Variants in TRPM3 observed in about 807,000 individuals in gnomAD.
TRPM3 encodes long transient receptor potential channel 3.
Under a neutral mutation model 181.2 loss-of-function variants are expected in TRPM3, and 77 were observed. That is an observed-to-expected ratio of 0.42 (90% CI 0.35 to 0.51). The LOEUF (loss-of-function observed/expected upper bound fraction) is 0.51, where lower values mean the gene tolerates loss of function less well. Ranked by LOEUF, TRPM3 falls within the 20% of genes least tolerant of loss-of-function variation. The pLI is 0.01. For synonymous variants in TRPM3, 745 were observed against 796.4 expected (o/e 0.94, Z 1.09); for missense variants, 1,759 against 2,196.7 (o/e 0.80, Z 3.98).
intron 1 of TRPM3, among the ~76,000 whole-genome samples, chr9:70,918,614 A>C (rs1451570305): frequency 1.3e-5 from 2 of 152,176 alleles, no homozygotes; most frequent in Non-Finnish European, 2.9e-5. Context: ...GATACAGCAA[A>C]AGCAGTACTA....
chr9:71,311,987 A>G (rs192758683), intron 1 of TRPM3, among the ~76,000 whole-genome samples: 13 of 152,220 alleles, frequency 8.5e-5, no homozygotes, highest in Admixed American at 7.9e-4. Context: ...GGATGAGCTT[A>G]TCTAGACGGT....
intron 1 of TRPM3, among the ~76,000 whole-genome samples, chr9:71,011,788 TTG>T (rs563998293): frequency 0.054 from 7,467 of 137,374 alleles, 408 homozygotes; most frequent in Admixed American, 0.11. Context: ...TTTTGTTTTT[TTG>T]TTTTTTTTCA....
intron 1 of TRPM3, among the ~76,000 whole-genome samples, chr9:71,287,096 TATA>T (rs2085363797): frequency 6.9e-6 from 1 of 144,516 alleles, no homozygotes; most frequent in South Asian, 2.1e-4. Flanking sequence ...TATTATATGA[TATA>T]ATATAAAATT....
At chr9:70,817,595 G>T (rs2092813776) in intron 6 of TRPM3, among the ~76,000 whole-genome samples, 1 of 152,156 alleles carries the variant, frequency 6.6e-6, no homozygotes, top group African/African-American at 2.4e-5. Context: ...ATGCTAGGTT[G>T]GCAGTGTTGG....
At chr9:71,282,100 A>C (rs552197271) in intron 1 of TRPM3, among the ~76,000 whole-genome samples, 1 of 134,704 alleles carries the variant, frequency 7.4e-6, no homozygotes, top group Admixed American at 7.5e-5. Context: ...AGAGAAAGAA[A>C]GAAAAGAAAG....
At chr9:70,818,267 A>G (rs1472232093) in intron 6 of TRPM3, among the ~76,000 whole-genome samples, 1 of 152,236 alleles carries the variant, frequency 6.6e-6, no homozygotes, top group Non-Finnish European at 1.5e-5. Context: ...TCATTCACTC[A>G]AGATTTATAT....
intron 1 of TRPM3, among the ~76,000 whole-genome samples, chr9:71,278,141 A>T (rs1486563322): frequency 6.6e-6 from 1 of 152,238 alleles, no homozygotes; most frequent in East Asian, 1.9e-4. Context: ...CTGATCAATT[A>T]GTACAATTTC....
intron 1 of TRPM3, among the ~76,000 whole-genome samples, chr9:71,367,364 A>C (rs2092368127): frequency 1.3e-5 from 2 of 152,156 alleles, no homozygotes; most frequent in African/African-American, 4.8e-5. Flanking sequence ...TAAGACTATT[A>C]ATCTTCAGGA....
intron 1 of TRPM3, among the ~76,000 whole-genome samples, chr9:71,174,093 A>G (rs139440189): frequency 2.0e-5 from 3 of 152,298 alleles, no homozygotes; most frequent in East Asian, 1.9e-4. Flanking sequence ...GTATTTATAT[A>G]TTTCCTTCAA....
intron 22 of TRPM3, among the ~76,000 whole-genome samples, chr9:70,568,696 C>G (rs1417666132): frequency 6.6e-6 from 1 of 152,208 alleles, no homozygotes; most frequent in Non-Finnish European, 1.5e-5. Context: ...GAGGCAAAGC[C>G]TGGATTCAAA....
chr9:70,553,953 T>C (rs2047063666), intron 22 of TRPM3, among the ~76,000 whole-genome samples: 2 of 151,996 alleles, frequency 1.3e-5, no homozygotes, highest in South Asian at 4.2e-4. Context: ...TGATCGGCCG[T>C]GATCATGGAG....
At chr9:71,155,521 A>AT (rs1554836137) in intron 1 of TRPM3, among the ~76,000 whole-genome samples, 11 of 140,716 alleles carry the variant, frequency 7.8e-5, no homozygotes, top group Non-Finnish European at 9.2e-5. Context: ...ATTTTATTTT[A>AT]TTTTTGCATA....
chr9:70,779,448 A>C (rs1257045984), intron 7 of TRPM3, among the ~76,000 whole-genome samples: 1 of 152,164 alleles, frequency 6.6e-6, no homozygotes, highest in African/African-American at 2.4e-5. Context: ...ACACAAACGC[A>C]TTTGGATGCC....
chr9:71,216,334 T>G (rs995563737), intron 1 of TRPM3, among the ~76,000 whole-genome samples: 5 of 152,228 alleles, frequency 3.3e-5, no homozygotes, highest in Non-Finnish European at 7.3e-5. Context: ...ATCTTTACAC[T>G]TATTTCTCTC....
intron 6 of TRPM3, among the ~76,000 whole-genome samples, chr9:70,823,981 A>G (rs1194926384): frequency 6.6e-6 from 1 of 152,206 alleles, no homozygotes; most frequent in African/African-American, 2.4e-5. Flanking sequence ...AGGAGGGACA[A>G]TGAAAGTCAG....
At chr9:71,127,548 A>C (rs769706162) in intron 1 of TRPM3, among the ~76,000 whole-genome samples, 2 of 152,166 alleles carry the variant, frequency 1.3e-5, no homozygotes, top group African/African-American at 2.4e-5. Context: ...GCAGTGATAC[A>C]ACTTCTCAGA....
chr9:71,296,712 TG>T (rs1451356395), intron 1 of TRPM3, among the ~76,000 whole-genome samples: 18 of 152,030 alleles, frequency 1.2e-4, no homozygotes, highest in Middle Eastern at 3.2e-3. Context: ...AAAAGGACTA[TG>T]GGAAACGACG....
At chr9:71,132,656 A>C (rs1422158178) in intron 1 of TRPM3, among the ~76,000 whole-genome samples, 1 of 152,216 alleles carries the variant, frequency 6.6e-6, no homozygotes, top group East Asian at 1.9e-4. Context: ...TAAAAGAATT[A>C]TGTCAAAAAA....
At chr9:71,086,621 A>G (rs1426831813) in intron 1 of TRPM3, among the ~76,000 whole-genome samples, 3 of 151,938 alleles carry the variant, frequency 2.0e-5, no homozygotes, top group Non-Finnish European at 4.4e-5. Context: ...TTCTTTTTCT[A>G]ATTGGCCTGG....
Sources: allele counts gnomAD v4.1 joint callset (sites outside exome capture counted in the v4.1 genomes callset), GRCh38; gene constraint gnomAD v4.1.1; transcripts MANE v1.5; gene names NCBI Gene and HGNC (gene_info 2026-07-23, HGNC 2026-07-21).